The following DAB1 variants were observed in gnomAD, a reference collection of about 807,000 sequenced individuals.
DAB1 encodes the protein DAB adaptor protein 1.
Under a neutral mutation model 64.6 loss-of-function variants are expected in DAB1, and 15 were observed. That is an observed-to-expected ratio of 0.23 (90% CI 0.16 to 0.36). DAB1 has a LOEUF of 0.36. Ranked by LOEUF, DAB1 falls within the 10% of genes least tolerant of loss-of-function variation. The pLI, the probability that DAB1 is intolerant of heterozygous loss-of-function variation, is 1.00. For missense variants in DAB1, 596 were observed against 706.7 expected (o/e 0.84, Z 1.78); for synonymous variants, 235 against 251.9 (o/e 0.93, Z 0.64).
chr1:57,909,257 T>C (rs1644604339), intron 5 of DAB1, among the ~76,000 whole-genome samples: 1 of 152,190 alleles, frequency 6.6e-6, no homozygotes, highest in Admixed American at 6.5e-5. Flanking sequence ...GCCTTCTTCA[T>C]AAAGCGAGGA....
At chr1:57,927,388 A>G (rs1644894102) in intron 5 of DAB1, among the ~76,000 whole-genome samples, 1 of 152,096 alleles carries the variant, frequency 6.6e-6, no homozygotes, top group Admixed American at 6.6e-5. Flanking sequence ...CCATTCAGCT[A>G]CTTGGAAGGC....
Position 57,031,884 on chromosome 1 carries a change from G to T in DAB1, c.724-5841C>A, listed in dbSNP as rs117669803. ...AGATGTAGCTGGAGATGGCAGTTTT[G>T]CCCCTTTTTTAGCCCCCTGGGCATT... is the stretch of plus-strand genomic sequence containing the variant. On this transcript the variant is annotated intron_variant, in intron 9 of 14. Transcript: ENST00000371236. 1.4e-4 allele frequency among the ~76,000 whole-genome samples: 21 copies of T among 152,290 alleles called. No individual in the cohort carries two copies. In the East Asian group the frequency reaches 4.1e-3, roughly 29 times the overall value.
chr1:58,293,622 C>T (rs1661900418), intron 4 of DAB1, among the ~76,000 whole-genome samples: 1 of 152,140 alleles, frequency 6.6e-6, no homozygotes, highest in Non-Finnish European at 1.5e-5. Context: ...GATGACCCAG[C>T]TACCAGCTGT....
intron 5 of DAB1, among the ~76,000 whole-genome samples, chr1:57,991,790 G>A (rs985064082): frequency 7.2e-6 from 1 of 139,282 alleles, no homozygotes; most frequent in Non-Finnish European, 1.5e-5. Context: ...AGGCTGCAGT[G>A]AGCTGAGATC....
chr1:57,343,170 A>G (rs1677770018), intron 1 of DAB1, among the ~76,000 whole-genome samples: 1 of 152,052 alleles, frequency 6.6e-6, no homozygotes. Context: ...CTAGATACAG[A>G]GTGTCCACAT....
chr1:57,000,979 C>A (rs1645839365), intron 14 of DAB1, among the ~76,000 whole-genome samples: 1 of 152,212 alleles, frequency 6.6e-6, no homozygotes, highest in South Asian at 2.1e-4. Flanking sequence ...AAATACCCAT[C>A]ACAACAGCAG....
intron 6 of DAB1, among the ~76,000 whole-genome samples, chr1:57,699,683 G>A (rs1646884984): frequency 6.6e-6 from 1 of 152,164 alleles, no homozygotes; most frequent in African/African-American, 2.4e-5. Flanking sequence ...GGGAGGCTGA[G>A]GCAGGCAGAT....
intron 1 of DAB1, among the ~76,000 whole-genome samples, chr1:57,368,434 T>C (rs1228081538): frequency 1.3e-5 from 2 of 152,098 alleles, no homozygotes; most frequent in African/African-American, 4.8e-5. Flanking sequence ...TGGCCAACCA[T>C]GGACCAATTG....
chr1:58,374,989 G>A (rs1358603383), intron 3 of DAB1, among the ~76,000 whole-genome samples: 4 of 136,764 alleles, frequency 2.9e-5, no homozygotes, highest in Admixed American at 7.3e-5. Flanking sequence ...TTTGTCTGTT[G>A]TTGGTGTATA....
intron 1 of DAB1, among the ~76,000 whole-genome samples, chr1:57,863,842 C>T (rs1170988458): frequency 6.6e-6 from 1 of 152,096 alleles, no homozygotes; most frequent in African/African-American, 2.4e-5. Flanking sequence ...TAATATAGGG[C>T]CTGGAACATA....
intron 6 of DAB1, among the ~76,000 whole-genome samples, chr1:57,698,287 G>A (rs1269201453): frequency 6.7e-6 from 1 of 149,542 alleles, no homozygotes; most frequent in Non-Finnish European, 1.5e-5. Flanking sequence ...TGTAGAGATG[G>A]GGGTCTCACT....
chr1:57,460,481 G>C, intron 7 of DAB1, among the ~76,000 whole-genome samples: 1 of 152,166 alleles, frequency 6.6e-6, no homozygotes, highest in East Asian at 1.9e-4. Context: ...AAGGCCAAAT[G>C]TGAGCTCTGA....
intron 3 of DAB1, among the ~76,000 whole-genome samples, chr1:58,385,930 T>A (rs1644428759): frequency 6.6e-6 from 1 of 152,174 alleles, no homozygotes; most frequent in African/African-American, 2.4e-5. Context: ...AGGATAGCCC[T>A]TAAGATCTGA....
upstream of DAB1, among the ~76,000 whole-genome samples, chr1:57,428,791 G>T (rs1229529278): frequency 6.8e-5 from 10 of 146,868 alleles, no homozygotes; most frequent in Non-Finnish European, 8.9e-5. Flanking sequence ...AGCGTACAAA[G>T]GTTCCCTTAT....
chr1:57,716,646 G>C (rs1384899431), intron 6 of DAB1, among the ~76,000 whole-genome samples: 1 of 151,978 alleles, frequency 6.6e-6, no homozygotes, highest in Non-Finnish European at 1.5e-5. Flanking sequence ...GAAAACACAG[G>C]GGAAATATTT....
intron 2 of DAB1, among the ~76,000 whole-genome samples, chr1:57,262,677 T>C (rs1467216962): frequency 6.6e-6 from 1 of 152,226 alleles, no homozygotes; most frequent in African/African-American, 2.4e-5. Flanking sequence ...TGATCACTGG[T>C]GTGATGCTTC....
At chr1:58,516,303 A>G (rs1646156732) in intron 2 of DAB1, among the ~76,000 whole-genome samples, 1 of 152,218 alleles carries the variant, frequency 6.6e-6, no homozygotes, top group Non-Finnish European at 1.5e-5. Context: ...ATTAAAACTG[A>G]TAGTTTAGTT....
chr1:58,499,885 T>A (rs943356078), intron 3 of DAB1, among the ~76,000 whole-genome samples: 1 of 151,994 alleles, frequency 6.6e-6, no homozygotes, highest in African/African-American at 2.4e-5. Context: ...CTAATACACA[T>A]CAGTATTCTG....
chr1:58,293,433 C>A (rs1661893298), intron 4 of DAB1, among the ~76,000 whole-genome samples: 2 of 152,132 alleles, frequency 1.3e-5, no homozygotes, highest in Non-Finnish European at 2.9e-5. Flanking sequence ...AAAAAATATA[C>A]CTTCCTAGAG....
Sources: gnomAD v4.1 joint callset for allele counts (sites outside exome capture counted in the v4.1 genomes callset) on GRCh38, gnomAD v4.1.1 for gene constraint, MANE v1.5 for transcripts, NCBI Gene and HGNC (gene_info 2026-07-23, HGNC 2026-07-21) for gene names.